The following SLC40A1 variants were observed in gnomAD, a reference collection of about 807,000 sequenced individuals.
SLC40A1 encodes the protein ferroportin.
Under a neutral mutation model 53.5 loss-of-function variants are expected in SLC40A1, and 16 were observed. The ratio of observed to expected loss-of-function variants is 0.30; its 90% CI spans 0.20 to 0.45. The LOEUF is 0.45. Ranked by LOEUF, SLC40A1 falls within the 20% of genes least tolerant of loss-of-function variation. The pLI is 1.00. For missense variants in SLC40A1, 545 were observed against 695.4 expected (o/e 0.78, Z 2.43); for synonymous variants, 247 against 253.2 (o/e 0.98, Z 0.23).
At chr2:189,575,056 C>T (rs113707637) in intron 3 of SLC40A1, 105 bp downstream of exon 3, 1 of 1,301,140 alleles carries the variant, frequency 7.7e-7, no homozygotes. Context: ...GGCATGCAGA[C>T]ATTCCCTGGT....
chr2:189,577,757 G>A (rs1312002417), intron 2 of SLC40A1, among the ~76,000 whole-genome samples: 2 of 151,746 alleles, frequency 1.3e-5, no homozygotes, highest in Non-Finnish European at 2.9e-5. Context: ...GGGACTACAG[G>A]TGTGTCTCAT....
At position 189,563,690 on chromosome 2, in the gene SLC40A1, C is replaced by G; in HGVS notation, c.1296G>C (p.Met432Ile). ...KIPEITTEIY[M>I]SNGSNSANIV... ...TATTAGCAGAATTAGACCCATTAGA[C>G]ATGTATATTTCAGTTGTAATTTCAG... is the stretch of plus-strand genomic sequence containing the variant. The change falls in exon 7 of 8, where the codon ATG becomes ATC. Residue 432 changes from methionine (M) to isoleucine (I), a missense_variant. By Grantham distance (10) the Met-to-Ile change is conservative (BLOSUM62 1). This residue lies in a region of SLC40A1 where 234 missense variants were observed against 299.0 expected (regional missense o/e 0.78). Coordinates refer to ENST00000261024, the MANE Select transcript of SLC40A1 (RefSeq NM_014585.6). The G allele has an allele frequency of 6.2e-7, 1 of 1,614,102 alleles. No homozygotes were observed. The highest frequency in any genetic ancestry group is 1.6e-4 in the Middle Eastern group (1 of 6,062).
chr2:189,575,050 T>G, intron 3 of SLC40A1, 111 bp downstream of exon 3: 1 of 1,241,030 alleles, frequency 8.1e-7, no homozygotes, highest in East Asian at 2.3e-5. Flanking sequence ...AAGTGTGGCA[T>G]GCAGACATTC....
chr2:189,578,994 T>C (rs2031377859), intron 2 of SLC40A1, among the ~76,000 whole-genome samples: 1 of 152,194 alleles, frequency 6.6e-6, no homozygotes, highest in South Asian at 2.1e-4. Flanking sequence ...TAAATACATA[T>C]GAGCCATGGA....
At chr2:189,562,254 GATAAAA>G in intron 7 of SLC40A1, 63 bp from the exon 8 acceptor site, 1 of 1,319,944 alleles carries the variant, frequency 7.6e-7, no homozygotes, top group Non-Finnish European at 1.1e-6. Flanking sequence ...TCAAATCACA[GATAAAA>G]ATCTGTTGAC....
In SLC40A1 at chr2:189,560,797, T is replaced by G. The variant is rs1487013556; in HGVS notation, c.*1081A>C. 1 of 152,682 alleles carries G rather than the reference T, an allele frequency of 6.5e-6. No homozygotes were observed. The highest frequency in any genetic ancestry group is 1.5e-5 in the Non-Finnish European group (1 of 68,048). 9.5% of individuals were successfully genotyped at this position (152,682 alleles called of 1,614,324 possible). On this transcript the variant is annotated 3_prime_UTR_variant, in exon 8 of 8. Coordinates refer to ENST00000261024, the MANE Select transcript of SLC40A1 (RefSeq NM_014585.6). Reference sequence around the variant, plus strand: ...ATCTTGGTACAGACATGTTGCAAACTGACTTTTAAAACAATTTTTTAAAAT... The same window carrying G: ...ATCTTGGTACAGACATGTTGCAAACGGACTTTTAAAACAATTTTTTAAAAT...
intron 4 of SLC40A1, chr2:189,572,615 A>T: frequency 1.7e-6 from 1 of 582,862 alleles, no homozygotes; most frequent in South Asian, 2.1e-5. Flanking sequence ...AACTCTTAGA[A>T]ATGCCATTAG....
Position 189,561,782 on chromosome 2 carries a change from A to G in SLC40A1, c.*96T>C, listed in dbSNP as rs915201204. On this transcript the variant is annotated 3_prime_UTR_variant, in exon 8 of 8. Coordinates refer to ENST00000261024, the MANE Select transcript of SLC40A1 (RefSeq NM_014585.6). ...CAAGGCACAGCTGTGGTAAAAACAG[A>G]GCAAAACACCCAGCCATTTATTGGA... 7 of 1,094,808 alleles carry G rather than the reference A, an allele frequency of 6.4e-6. No homozygotes were observed. The South Asian group carries it at 6.5e-5, about 10-fold the overall frequency. 67.8% of individuals were successfully genotyped at this position (1,094,808 alleles called of 1,614,324 possible). A position where few individuals can be genotyped will look rare whatever the true frequency, so the allele number is the denominator to read the frequency against.
intron 3 of SLC40A1, among the ~76,000 whole-genome samples, chr2:189,574,540 A>G (rs1477718439): frequency 6.6e-6 from 1 of 152,224 alleles, no homozygotes; most frequent in Non-Finnish European, 1.5e-5. Flanking sequence ...ATGATCATCC[A>G]TATTTCCCTT....
At chr2:189,580,329 G>T in intron 1 of SLC40A1, 89 bp downstream of exon 1, 1 of 1,282,310 alleles carries the variant, frequency 7.8e-7, no homozygotes, top group Non-Finnish European at 1.1e-6. Context: ...TCACAGCAGA[G>T]CCACATTCCT....
At chr2:189,576,287 C>G (rs1450425783) in intron 2 of SLC40A1, among the ~76,000 whole-genome samples, 2 of 152,058 alleles carry the variant, frequency 1.3e-5, no homozygotes, top group Non-Finnish European at 2.9e-5. Flanking sequence ...TAGATTTGAC[C>G]CTACAGAAAT....
chr2:189,573,048 T>C (rs1256174131), intron 3 of SLC40A1, 87 bp from the exon 4 acceptor site: 2 of 911,322 alleles, frequency 2.2e-6, no homozygotes, highest in African/African-American at 1.6e-5. Flanking sequence ...TCTACTATAA[T>C]ACATTAATAC....
chr2:189,579,629 T>C (rs2031393586), intron 2 of SLC40A1, among the ~76,000 whole-genome samples, 184 bp downstream of exon 2: 1 of 152,244 alleles, frequency 6.6e-6, no homozygotes, highest in Admixed American at 6.5e-5. Context: ...TTAAGTTGCA[T>C]TAACTAACAC....
intron 5 of SLC40A1, 109 bp from the exon 6 acceptor site, chr2:189,565,708 G>A: frequency 2.7e-6 from 4 of 1,473,032 alleles, no homozygotes; most frequent in South Asian, 1.2e-5. Flanking sequence ...CCTAAAATGT[G>A]GTTTTCTAAA....
intron 7 of SLC40A1, among the ~76,000 whole-genome samples, chr2:189,562,481 T>G (rs551578176): frequency 6.6e-6 from 1 of 152,304 alleles, no homozygotes; most frequent in African/African-American, 2.4e-5. Flanking sequence ...AACAAAACTT[T>G]GAAATCAGAG....
chr2:189,580,778 G>A lies in SLC40A1; in HGVS notation c.-318C>T. 1 of 1,275,198 alleles carries A rather than the reference G, an allele frequency of 7.8e-7. No homozygotes were observed. 79.0% of individuals were successfully genotyped at this position (1,275,198 alleles called of 1,614,324 possible). ...CCCTGAGCCAGCTCTCTCCGCCGCC[G>A]CCGCCGCCGCCGTGGGCCGGGCCCA... On this transcript the variant is annotated 5_prime_UTR_variant, in exon 1 of 8. Transcript: ENST00000261024.
chr2:189,569,924 A>T (rs1026281682), intron 5 of SLC40A1, among the ~76,000 whole-genome samples: 1 of 151,830 alleles, frequency 6.6e-6, no homozygotes, highest in Non-Finnish European at 1.5e-5. Flanking sequence ...TCCCAGAGTT[A>T]TGTGGCATGT....
At chr2:189,567,485 T>G (rs1350946346) in intron 5 of SLC40A1, among the ~76,000 whole-genome samples, 1 of 152,100 alleles carries the variant, frequency 6.6e-6, no homozygotes, top group Admixed American at 6.5e-5. Flanking sequence ...TGTGTCAGTA[T>G]AAAAAATTAA....
rs1400451398 is a variant in SLC40A1 at position 189,563,777 on chromosome 2, A to G, written c.1209T>C (p.Ser403=). 6.2e-7 allele frequency: 1 copy of G among 1,614,226 alleles called. No homozygotes were observed. The highest frequency in any genetic ancestry group is 1.7e-5 in the Admixed American group (1 of 60,032). The change falls in exon 7 of 8, where the codon TCT becomes TCC. Residue 403 remains serine (S), a synonymous_variant. Transcript: ENST00000261024. ...MPGSPLDLSV[S]PFEDIRSRFI... Reference sequence around the variant, plus strand: ...ACCTTGATCGGATATCTTCAAAAGGAGAAACGGACAAGTCCAGGGGGCTTC... The same window carrying G: ...ACCTTGATCGGATATCTTCAAAAGGGGAAACGGACAAGTCCAGGGGGCTTC...
Sources: allele counts gnomAD v4.1 joint callset (sites outside exome capture counted in the v4.1 genomes callset), GRCh38; gene constraint gnomAD v4.1.1; regional missense constraint gnomAD v4.1.1; transcripts MANE v1.5; gene names NCBI Gene and HGNC (gene_info 2026-07-23, HGNC 2026-07-21).